Variants in POU6F2 observed in about 807,000 individuals in gnomAD.
POU6F2 encodes POU domain, class 6, transcription factor 2.
Under a neutral mutation model 71.3 loss-of-function variants are expected in POU6F2, and 31 were observed. That is an observed-to-expected ratio of 0.43 (90% CI 0.33 to 0.59). POU6F2 has a LOEUF of 0.59. Among genes scored for constraint, POU6F2 ranks in the 20% least tolerant of loss-of-function variants. The pLI is 0.04. For missense variants in POU6F2, 783 were observed against 856.8 expected (o/e 0.91, Z 1.07); for synonymous variants, 347 against 355.7 (o/e 0.98, Z 0.27).
At chr7:39,052,963 G>A (rs569539294) in intron 1 of POU6F2, among the ~76,000 whole-genome samples, 7 of 152,208 alleles carry the variant, frequency 4.6e-5, no homozygotes, top group Admixed American at 4.6e-4. Context: ...AGGATCCCCA[G>A]ATTAGCAGCA....
Position 39,047,084 on chromosome 7 carries a change from A to C in POU6F2, c.106-38776A>C, listed in dbSNP as rs1047849704. ...ATACATACACTTACAGCAATGCCTC[A>C]CTGCCTTGATTACTGTAGCTTTATA... On this transcript the variant is annotated intron_variant, in intron 1 of 9. Coordinates refer to ENST00000518318, the MANE Select transcript of POU6F2 (RefSeq NM_001370959.1). Among the ~76,000 whole-genome samples the C allele has an allele frequency of 2.0e-5, 3 of 152,026 alleles. No homozygotes were observed. The East Asian group carries it at 5.8e-4, about 29-fold the overall frequency.
chr7:39,337,243 G>C (rs1025360052), intron 4 of POU6F2, among the ~76,000 whole-genome samples: 1 of 152,144 alleles, frequency 6.6e-6, no homozygotes, highest in Non-Finnish European at 1.5e-5. Flanking sequence ...AGGAAATTTG[G>C]TTTGATGAAA....
intron 4 of POU6F2, among the ~76,000 whole-genome samples, chr7:39,238,320 G>A (rs1298584003): frequency 2.0e-5 from 3 of 152,120 alleles, no homozygotes; most frequent in African/African-American, 7.2e-5. Context: ...CTTCGCCAGT[G>A]TCTGTTTCCT....
At chr7:39,019,843 A>G (rs1789641807) in intron 1 of POU6F2, among the ~76,000 whole-genome samples, 1 of 152,136 alleles carries the variant, frequency 6.6e-6, no homozygotes, top group South Asian at 2.1e-4. Context: ...AAATTATTTT[A>G]TGATTCCATT....
intron 5 of POU6F2, among the ~76,000 whole-genome samples, chr7:39,403,052 C>T (rs1787339712): frequency 6.6e-6 from 1 of 152,126 alleles, no homozygotes; most frequent in African/African-American, 2.4e-5. Flanking sequence ...CCATTTTACC[C>T]CTAAGAAAAT....
At chr7:39,259,349 C>T (rs367746880) in intron 4 of POU6F2, among the ~76,000 whole-genome samples, 1 of 152,232 alleles carries the variant, frequency 6.6e-6, no homozygotes, top group African/African-American at 2.4e-5. Flanking sequence ...GAGAAGTTTC[C>T]GGCCTTTGGA....
chr7:39,367,917 C>T (rs1786536045), intron 5 of POU6F2, among the ~76,000 whole-genome samples: 1 of 152,098 alleles, frequency 6.6e-6, no homozygotes, highest in Non-Finnish European at 1.5e-5. Context: ...ACGTATCATA[C>T]CCATAAAAGG....
intron 2 of POU6F2, among the ~76,000 whole-genome samples, chr7:39,176,134 C>A (rs1793324769): frequency 6.6e-6 from 1 of 152,124 alleles, no homozygotes; most frequent in African/African-American, 2.4e-5. Flanking sequence ...AAATAACCAC[C>A]CCTGGCCTGC....
intron 1 of POU6F2, among the ~76,000 whole-genome samples, chr7:39,020,878 A>G (rs1341581775): frequency 6.6e-6 from 1 of 151,844 alleles, no homozygotes; most frequent in Non-Finnish European, 1.5e-5. Flanking sequence ...CTTAAGCTAT[A>G]CTTTGATAGT....
At chr7:39,397,837 A>T (rs1787210327) in intron 5 of POU6F2, among the ~76,000 whole-genome samples, 1 of 68,518 alleles carries the variant, frequency 1.5e-5, no homozygotes, top group Non-Finnish European at 2.9e-5. Flanking sequence ...TATATATAGT[A>T]GAGACGGAGT....
At chr7:39,161,604 G>T (rs528341492) in intron 2 of POU6F2, among the ~76,000 whole-genome samples, 2 of 152,264 alleles carry the variant, frequency 1.3e-5, no homozygotes, top group Admixed American at 1.3e-4. Context: ...AACGGCCCAT[G>T]TAAACTGATA....
chr7:39,052,875 T>C (rs1790424858), intron 1 of POU6F2, among the ~76,000 whole-genome samples: 1 of 152,150 alleles, frequency 6.6e-6, no homozygotes, highest in African/African-American at 2.4e-5. Context: ...TTGTCCATTC[T>C]CCTAGCTCTT....
chr7:39,191,440 C>A lies in POU6F2; in HGVS notation c.278-12795C>A, dbSNP rs191343846. Among the ~76,000 whole-genome samples, 1,129 of 150,214 alleles carry A rather than the reference C, an allele frequency of 7.5e-3. 11 individuals carry two copies. The highest frequency in any genetic ancestry group is 0.026 in the African/African-American group (1,059 of 41,382). The stretch of plus-strand genomic sequence containing the variant: ...CTAAAGTTCTAAAATCAAATGTAAA[C>A]TCAAGAAGTAAATTTTTTAAGAATT... On this transcript the variant is annotated intron_variant, in intron 2 of 9. Transcript: ENST00000518318.
At chr7:39,419,103 A>G (rs1583587892) in intron 6 of POU6F2, among the ~76,000 whole-genome samples, 1 of 74,642 alleles carries the variant, frequency 1.3e-5, no homozygotes, top group African/African-American at 5.5e-5. Context: ...GTATATATAC[A>G]CATATATACG....
At chr7:39,031,371 A>C (rs1046866236) in intron 1 of POU6F2, among the ~76,000 whole-genome samples, 1 of 152,230 alleles carries the variant, frequency 6.6e-6, no homozygotes, top group Admixed American at 6.5e-5. Flanking sequence ...TAGGATCAGA[A>C]AAATAAATTT....
chr7:39,172,352 G>GT (rs1793232917), intron 2 of POU6F2, among the ~76,000 whole-genome samples: 1 of 151,984 alleles, frequency 6.6e-6, no homozygotes, highest in African/African-American at 2.4e-5. Flanking sequence ...CATCATCCAG[G>GT]TAACATCATT....
At chr7:38,983,456 C>A (rs183187587) in intron 1 of POU6F2, among the ~76,000 whole-genome samples, 2 of 149,174 alleles carry the variant, frequency 1.3e-5, no homozygotes, top group Non-Finnish European at 3.0e-5. Flanking sequence ...CTCAAGTTTG[C>A]TCTGTTAGCC....
At chr7:39,216,591 G>A (rs948483535) in intron 4 of POU6F2, among the ~76,000 whole-genome samples, 2 of 152,110 alleles carry the variant, frequency 1.3e-5, no homozygotes, top group South Asian at 4.1e-4. Context: ...TGTCTAGATC[G>A]TGGTGATGGT....
intron 5 of POU6F2, among the ~76,000 whole-genome samples, chr7:39,364,260 C>CTTTTTTTTTTTTTTTTTTTTT (rs112590056): frequency 6.9e-6 from 1 of 143,916 alleles, no homozygotes. Context: ...TCTCTATTCT[C>CTTTTTTTTTTTTTTTTTTTTT]TTTTTTTTTT....
Sources: gnomAD v4.1 joint callset for allele counts (sites outside exome capture counted in the v4.1 genomes callset) on GRCh38, gnomAD v4.1.1 for gene constraint, MANE v1.5 for transcripts, NCBI Gene and HGNC (gene_info 2026-07-23, HGNC 2026-07-21) for gene names.